The following TMEM225B variants were observed in gnomAD, a reference collection of about 807,000 sequenced individuals.
The protein encoded by TMEM225B is transmembrane protein 225-like.
A neutral mutation model predicts 16.9 loss-of-function variants in TMEM225B; 10 were observed. The observed-to-expected ratio is 0.59, with a 90% CI of 0.36 to 1.00. TMEM225B has a LOEUF of 1.00. Among genes scored for constraint, TMEM225B ranks in the 50% least tolerant of loss-of-function variants. The pLI is 0.01. For synonymous variants in TMEM225B, 92 were observed against 109.8 expected, an observed-to-expected ratio of 0.84 and a Z score of 1.01; for missense variants, 217 against 267.0, an observed-to-expected ratio of 0.81 and a Z score of 1.30.
intron 1 of TMEM225B, among the ~76,000 whole-genome samples, chr7:99,598,841 C>T (rs1584293414): frequency 6.6e-6 from 1 of 152,222 alleles, no homozygotes; most frequent in Non-Finnish European, 1.5e-5. Context: ...GGCTGCAGCT[C>T]AGGCGCTGAA....
intron 1 of TMEM225B, among the ~76,000 whole-genome samples, chr7:99,599,055 G>A (rs546977411): frequency 6.6e-6 from 1 of 152,058 alleles, no homozygotes; most frequent in East Asian, 1.9e-4. Context: ...CGCCTCCCGG[G>A]TTCACGCCAT....
intron 2 of TMEM225B, among the ~76,000 whole-genome samples, chr7:99,603,091 T>C (rs538983445): frequency 1.2e-4 from 19 of 152,144 alleles, no homozygotes; most frequent in African/African-American, 4.6e-4. Context: ...CTCCACGTGA[T>C]AGGGATCCTT....
chr7:99,606,759 C>T lies in TMEM225B; in HGVS notation c.220C>T (p.Leu74Phe), dbSNP rs1056839373. 1 of 1,536,046 alleles carries T rather than the reference C, an allele frequency of 6.5e-7. No individual in the cohort carries two copies. Among genetic ancestry groups the T allele is most frequent in the African/African-American group, 1.4e-5 (1 of 73,154 alleles). ...TCCCTCCCCTGCAGTTTACATCATC[C>T]TCGGCCGGGTTTTCCTGCTCTCTGC... is the stretch of plus-strand genomic sequence containing the variant. Reference protein sequence around the residue: ...KPRPLSIYIILGRVFLLSAVF... With the variant: ...KPRPLSIYIIFGRVFLLSAVF... The change falls in exon 4 of 6, where the codon CTC becomes TTC. Residue 74 changes from leucine (L) to phenylalanine (F), a missense_variant. Transcript: ENST00000431679.
At position 99,607,783 on chromosome 7, in the gene TMEM225B, T is replaced by A. The variant is rs1239230058; in HGVS notation, c.466T>A (p.Phe156Ile). 1 of 1,536,120 alleles carries A rather than the reference T, an allele frequency of 6.5e-7. No individual in the cohort carries two copies. The highest frequency in any genetic ancestry group is 1.2e-5 in the South Asian group (1 of 84,064). Residue 156 changes from phenylalanine (F) to isoleucine (I), a missense_variant, in exon 5 of 6, where the codon TTC becomes ATC. By Grantham distance (21) the Phe-to-Ile change is conservative. Coordinates refer to ENST00000431679, the MANE Select transcript of TMEM225B (RefSeq NM_001195541.3). Reference sequence around the variant, plus strand: ...GCTGTGGCCTTACTACGTGCTGGGCTTCGGCATCTTTCTGTTCATAGTGGC... The same window carrying A: ...GCTGTGGCCTTACTACGTGCTGGGCATCGGCATCTTTCTGTTCATAGTGGC... ...SVLWPYYVLG[F>I]GIFLFIVAGT... is the part of the protein sequence containing the mutation.
Position 99,607,698 on chromosome 7 carries a change from G to A in TMEM225B, c.381G>A (p.Val127=), listed in dbSNP as rs1294489499. 18 of 1,535,922 alleles carry A rather than the reference G, an allele frequency of 1.2e-5. No individual in the cohort carries two copies. ...FTGACAFLAL[V]LHALEIKALR... ...GGGCCTGTGCCTTCCTGGCTTTGGTGCTGCATGCCCTGGAGATCAAGGCTC... is the reference window on the plus strand; with the variant it reads ...GGGCCTGTGCCTTCCTGGCTTTGGTACTGCATGCCCTGGAGATCAAGGCTC... The change falls in exon 5 of 6, where the codon GTG becomes GTA. Residue 127 remains valine, a synonymous_variant. Coordinates refer to ENST00000431679, the MANE Select transcript of TMEM225B (RefSeq NM_001195541.3).
chr7:99,606,737 C>G lies in TMEM225B; in HGVS notation c.209-11C>G. ...TTCCCAGCTTCAGCCCCACTTCTCC[C>G]TCCCCTGCAGTTTACATCATCCTCG... On this transcript the variant is annotated splice_polypyrimidine_tract_variant and intron_variant, in intron 3 of 5. Transcript: ENST00000431679. 1 of 1,535,738 alleles carries G rather than the reference C, an allele frequency of 6.5e-7. No homozygotes were observed. The highest frequency in any genetic ancestry group is 8.7e-7 in the Non-Finnish European group (1 of 1,146,696).
At chr7:99,602,875 C>G (rs1393063166) in intron 2 of TMEM225B, among the ~76,000 whole-genome samples, 1 of 152,090 alleles carries the variant, frequency 6.6e-6, no homozygotes, top group Non-Finnish European at 1.5e-5. Context: ...ATGCCCCCAG[C>G]CTGGCTAATT....
chr7:99,600,092 A>G, intron 1 of TMEM225B, 113 bp from the exon 2 acceptor site: 1 of 657,522 alleles, frequency 1.5e-6, no homozygotes, highest in Non-Finnish European at 2.8e-6. Flanking sequence ...GGGCAGTGGG[A>G]ATGGGACAGA....
intron 5 of TMEM225B, among the ~76,000 whole-genome samples, chr7:99,608,925 G>A (rs937231383): frequency 3.3e-4 from 50 of 150,512 alleles, no homozygotes; most frequent in African/African-American, 1.1e-3. Context: ...TCAGCACTTC[G>A]GGAGGCCAAG....
intron 1 of TMEM225B, 86 bp downstream of exon 1, chr7:99,598,467 A>T (rs1805035515): frequency 6.6e-6 from 1 of 152,468 alleles, no homozygotes; most frequent in African/African-American, 2.4e-5. Flanking sequence ...AAGTCCCCCT[A>T]CCCACCCAAG....
intron 3 of TMEM225B, among the ~76,000 whole-genome samples, chr7:99,605,222 A>G (rs1043613336): frequency 1.3e-5 from 2 of 152,166 alleles, no homozygotes; most frequent in Non-Finnish European, 2.9e-5. Context: ...TCACCCTGTT[A>G]TCAGACTCTG....
intron 2 of TMEM225B, among the ~76,000 whole-genome samples, chr7:99,603,298 C>G (rs1480624592): frequency 6.6e-6 from 1 of 152,202 alleles, no homozygotes; most frequent in Non-Finnish European, 1.5e-5. Flanking sequence ...GTCTGAATAT[C>G]TCCCCTTGGT....
chr7:99,607,235 T>C (rs1562955195), intron 4 of TMEM225B, among the ~76,000 whole-genome samples: 2 of 151,864 alleles, frequency 1.3e-5, no homozygotes, highest in Non-Finnish European at 2.9e-5. Context: ...TGTCAAGCGG[T>C]CCTCCTGCCT....
Position 99,610,420 on chromosome 7 carries a change from T to C in TMEM225B, c.521T>C (p.Val174Ala), listed in dbSNP as rs747513852. The C allele has an allele frequency of 1.8e-5, 28 of 1,535,814 alleles. No homozygotes were observed. The highest frequency in any genetic ancestry group is 2.3e-5 in the Non-Finnish European group (26 of 1,146,902). ...AGTICLIQEM[V>A]CPCWHLLSTS... ...ACCATCTGCCTCATTCAAGAAATGG[T>C]TTGCCCTTGCTGGCACTTGTTGTCC... The change falls in exon 6 of 6, where the codon GTT becomes GCT. Residue 174 changes from valine (V) to alanine (A), a missense_variant. By Grantham distance (64) the Val-to-Ala change is moderately conservative. Coordinates refer to ENST00000431679, the MANE Select transcript of TMEM225B (RefSeq NM_001195541.3).
At position 99,604,603 on chromosome 7, in the gene TMEM225B, AGGGATGGAGGC is replaced by A; in HGVS notation, c.208+11_208+21del. On this transcript the variant is annotated splice_region_variant and intron_variant, in intron 3 of 5. Transcript: ENST00000431679. ...AAGCCTCGACCCTTATCCAGTAAGG[AGGGATGGAGGC>A]GGGGAGGAGAGAGAGGGAGATGGGG... 1 of 1,534,046 alleles carries A rather than the reference AGGGATGGAGGC, an allele frequency of 6.5e-7. No individual in the cohort carries two copies. Among genetic ancestry groups the A allele is most frequent in the Non-Finnish European group, 8.7e-7 (1 of 1,145,528 alleles).
rs889877005 is a variant in TMEM225B, at chr7:99,610,985, G to T, written c.*420G>T. On this transcript the variant is annotated 3_prime_UTR_variant, in exon 6 of 6. Coordinates refer to ENST00000431679, the MANE Select transcript of TMEM225B (RefSeq NM_001195541.3). ...TTGGGCTGGTGGCACAGGGGTAAAA[G>T]AATTTACCAAGACGGTTGTAGATAA... Among the ~76,000 whole-genome samples the T allele has an allele frequency of 1.3e-5, 2 of 152,136 alleles. No individual in the cohort carries two copies. Among genetic ancestry groups the T allele is most frequent in the Non-Finnish European group, 2.9e-5 (2 of 68,036 alleles).
chr7:99,609,524 C>T (rs112200344), intron 5 of TMEM225B, among the ~76,000 whole-genome samples: 8,188 of 150,508 alleles, frequency 0.054, 436 homozygotes, highest in African/African-American at 0.14. Context: ...CTGCAACCTC[C>T]GTCTCCTGGG....
At chr7:99,601,972 G>A (rs1419966807) in intron 2 of TMEM225B, among the ~76,000 whole-genome samples, 2 of 152,186 alleles carry the variant, frequency 1.3e-5, no homozygotes, top group Non-Finnish European at 2.9e-5. Flanking sequence ...TCACTTCGAG[G>A]GCCTTGTGCT....
intron 5 of TMEM225B, among the ~76,000 whole-genome samples, chr7:99,609,128 C>T (rs1261191173): frequency 6.6e-6 from 1 of 152,116 alleles, no homozygotes; most frequent in East Asian, 1.9e-4. Flanking sequence ...GATCTCACCA[C>T]TGCACTCCAG....
Sources: gnomAD v4.1 joint callset for allele counts (sites outside exome capture counted in the v4.1 genomes callset) on GRCh38, gnomAD v4.1.1 for gene constraint, MANE v1.5 for transcripts, NCBI Gene and HGNC (gene_info 2026-07-23, HGNC 2026-07-21) for gene names.